Variants in TIMD4 observed in about 807,000 individuals in gnomAD.
TIMD4 encodes T cell immunoglobulin and mucin domain containing 4.
In TIMD4, 31 loss-of-function variants were observed where a neutral mutation model predicts 41.2. The ratio of observed to expected loss-of-function variants is 0.75; its 90% CI spans 0.57 to 1.01. The LOEUF (loss-of-function observed/expected upper bound fraction) is 1.01. Ranked by LOEUF, TIMD4 falls within the 50% of genes least tolerant of loss-of-function variation. The pLI is 0.00. For synonymous variants in TIMD4, 204 were observed against 177.1 expected (o/e 1.15, Z -1.21); for missense variants, 479 against 472.5 (o/e 1.01, Z -0.13).
At position 156,963,179 on chromosome 5, in the gene TIMD4, A is replaced by G; in HGVS notation, c.20T>C (p.Ile7Thr). 6.2e-7 allele frequency: 1 copy of G among 1,614,194 alleles called. No individual in the cohort carries two copies. Among genetic ancestry groups the G allele is most frequent in the Non-Finnish European group, 8.5e-7 (1 of 1,180,002 alleles). The change falls in exon 1 of 9, where the codon ATT becomes ACT. Residue 7 changes from isoleucine (I) to threonine (T), a missense_variant. By Grantham distance (89) the Ile-to-Thr change is moderately conservative. Coordinates refer to ENST00000274532, the MANE Select transcript of TIMD4 (RefSeq NM_138379.3). ...CCAAAACTCAATCATCAGCCAGAGA[A>G]TGAGAGGTTCTTTGGACATTTTGAC... MSKEPL[I>T]LWLMIEFWWL...
chr5:156,949,219 C>G (rs147308258), intron 4 of TIMD4, among the ~76,000 whole-genome samples: 1 of 152,256 alleles, frequency 6.6e-6, no homozygotes, highest in African/African-American at 2.4e-5. Flanking sequence ...GACCAATTCT[C>G]GCTCCACTCT....
Position 156,951,525 on chromosome 5 carries a change from G to A in TIMD4, c.666C>T (p.Pro222=), listed in dbSNP as rs1759854046. The A allele has an allele frequency of 1.9e-6, 3 of 1,614,044 alleles. No individual in the cohort carries two copies. The highest frequency in any genetic ancestry group is 2.2e-5 in the East Asian group (1 of 44,892). ...ACATCTGCGTACCTGCAGTGAGGAT[G>A]GGCCCTTCCTTAGAAGGCTCGGGAG... is the stretch of plus-strand genomic sequence containing the variant. The part of the protein sequence containing the change: ...LLTPEPSKEG[P]ILTAESETVL... Residue 222 remains proline, a synonymous_variant, in exon 3 of 9, where the codon CCC becomes CCT. Transcript: ENST00000274532.
chr5:156,955,656 A>G (rs1759958167), intron 1 of TIMD4, among the ~76,000 whole-genome samples: 1 of 144,350 alleles, frequency 6.9e-6, no homozygotes. Context: ...ACTCCATCTC[A>G]AAAAAAAAAA....
intron 7 of TIMD4, 117 bp from the exon 8 acceptor site, chr5:156,920,620 C>T (rs1278412395): frequency 8.6e-6 from 9 of 1,046,840 alleles, no homozygotes; most frequent in Admixed American, 2.0e-5. Context: ...AGGTGAGAAC[C>T]AGTGGCTGGC....
intron 5 of TIMD4, among the ~76,000 whole-genome samples, chr5:156,940,553 T>C (rs1327482172): frequency 2.8e-5 from 4 of 140,582 alleles, no homozygotes; most frequent in Admixed American, 1.4e-4. Context: ...ATGTAGGGAG[T>C]GCCTCTGCCC....
chr5:156,927,591 G>A lies in TIMD4; in HGVS notation c.845-1279C>T, dbSNP rs80197583. On this transcript the variant is annotated intron_variant, in intron 5 of 8. Transcript: ENST00000274532. ...AGGAGGATAAGGGAAGAGCCAAGAA[G>A]AGAGTTGTCATCTAATTCCAGGTCT... Among the ~76,000 whole-genome samples the A allele has an allele frequency of 6.2e-3, 951 of 152,340 alleles. 8 individuals carry two copies. Among genetic ancestry groups the A allele is most frequent in the African/African-American group, 0.022 (922 of 41,574 alleles).
At chr5:156,931,148 G>A (rs1759438905) in intron 5 of TIMD4, among the ~76,000 whole-genome samples, 1 of 152,192 alleles carries the variant, frequency 6.6e-6, no homozygotes, top group South Asian at 2.1e-4. Flanking sequence ...AATGCCTCTA[G>A]GAGCTAGAAA....
At chr5:156,942,436 C>T (rs868758359) in intron 5 of TIMD4, among the ~76,000 whole-genome samples, 3 of 152,186 alleles carry the variant, frequency 2.0e-5, no homozygotes, top group South Asian at 2.1e-4. Context: ...CTTAGTTTCC[C>T]AGCATTCTAC....
At chr5:156,938,167 G>A (rs1759574272) in intron 5 of TIMD4, among the ~76,000 whole-genome samples, 2 of 152,052 alleles carry the variant, frequency 1.3e-5, no homozygotes, top group Non-Finnish European at 2.9e-5. Flanking sequence ...CTCTAATTTG[G>A]GAGCCAGAAG....
At chr5:156,920,278 G>C (rs750017839) in intron 8 of TIMD4, among the ~76,000 whole-genome samples, 186 bp downstream of exon 8, 3 of 152,198 alleles carry the variant, frequency 2.0e-5, no homozygotes, top group Non-Finnish European at 4.4e-5. Flanking sequence ...TTTGCTCAGA[G>C]TGTTAACCAA....
At chr5:156,928,309 A>C (rs562122017) in intron 5 of TIMD4, among the ~76,000 whole-genome samples, 1 of 152,056 alleles carries the variant, frequency 6.6e-6, no homozygotes, top group East Asian at 1.9e-4. Flanking sequence ...AAAAAAAGAC[A>C]GAAAGAAATC....
chr5:156,951,591 T>C lies in TIMD4; in HGVS notation c.600A>G (p.Leu200=). Residue 200 remains leucine (L), a synonymous_variant, in exon 3 of 9, where the codon CTA becomes CTG. Transcript: ENST00000274532. The part of the protein sequence containing the change: ...VFTTANTCLS[L]TPSTLPEEAT... ...CTTCCTCCGGAAGGGTGCTTGGGGT[T>C]AGTGAAAGGCACGTGTTTGCTGTTG... is the stretch of plus-strand genomic sequence containing the variant. The C allele has an allele frequency of 6.2e-7, 1 of 1,614,162 alleles. No individual in the cohort carries two copies. The highest frequency in any genetic ancestry group is 8.5e-7 in the Non-Finnish European group (1 of 1,180,030).
chr5:156,948,576 C>G (rs773617106), intron 4 of TIMD4, 77 bp from the exon 5 acceptor site: 5 of 858,212 alleles, frequency 5.8e-6, no homozygotes, highest in Non-Finnish European at 6.6e-6. Flanking sequence ...TCAACTGTCC[C>G]TATACTGACT....
chr5:156,957,033 C>CTTT (rs74274013), intron 1 of TIMD4, among the ~76,000 whole-genome samples: 4 of 139,874 alleles, frequency 2.9e-5, no homozygotes, highest in East Asian at 2.1e-4. Flanking sequence ...TCACAGTTGG[C>CTTT]TTTTTTTTTT....
Position 156,938,770 on chromosome 5 carries a change from G to C in TIMD4, c.844+9646C>G, listed in dbSNP as rs544915850. 4.6e-5 allele frequency among the ~76,000 whole-genome samples: 7 copies of C among 152,216 alleles called. No individual in the cohort carries two copies. The South Asian group carries it at 1.5e-3, about 32-fold the overall frequency. On this transcript the variant is annotated intron_variant, in intron 5 of 8. Coordinates refer to ENST00000274532, the MANE Select transcript of TIMD4 (RefSeq NM_138379.3). ...CAATTGCTCATTTTGGGATTTCATG[G>C]AGTCCGCCCACAGAGCTCATACTCT...
chr5:156,933,766 C>G (rs1759489108), intron 5 of TIMD4, among the ~76,000 whole-genome samples: 1 of 152,092 alleles, frequency 6.6e-6, no homozygotes, highest in South Asian at 2.1e-4. Flanking sequence ...GTTGGCCAGG[C>G]TGGTCTCAAA....
chr5:156,945,713 T>C (rs1293190065), intron 5 of TIMD4, among the ~76,000 whole-genome samples: 3 of 152,196 alleles, frequency 2.0e-5, no homozygotes, highest in Non-Finnish European at 4.4e-5. Flanking sequence ...AAATGAATAG[T>C]AGTTAAAAGA....
chr5:156,930,205 G>A (rs1490399717), intron 5 of TIMD4, among the ~76,000 whole-genome samples: 3 of 152,042 alleles, frequency 2.0e-5, no homozygotes, highest in Non-Finnish European at 2.9e-5. Context: ...CAAGTGATAC[G>A]CACGCCTCAG....
Position 156,954,736 on chromosome 5 carries a change from C to T in TIMD4, c.79G>A (p.Val27Ile). Residue 27 changes from valine to isoleucine, a missense_variant, in exon 2 of 9, where the codon GTT becomes ATT. By Grantham distance (29) the Val-to-Ile change is conservative (BLOSUM62 3). Coordinates refer to ENST00000274532, the MANE Select transcript of TIMD4 (RefSeq NM_138379.3). ...LYLTPVTSET[V>I]VTEVLGHRVT... ...CGGTGACCCAAAACCTCCGTCACAACAGTCTCTGAAGTGACTGGTGCTGCA... is the reference window on the plus strand; with the variant it reads ...CGGTGACCCAAAACCTCCGTCACAATAGTCTCTGAAGTGACTGGTGCTGCA... 1 of 1,612,708 alleles carries T rather than the reference C, an allele frequency of 6.2e-7. No individual in the cohort carries two copies.
Sources: gnomAD v4.1 joint callset for allele counts (sites outside exome capture counted in the v4.1 genomes callset) on GRCh38, gnomAD v4.1.1 for gene constraint, MANE v1.5 for transcripts, NCBI Gene and HGNC (gene_info 2026-07-23, HGNC 2026-07-21) for gene names.